The following MYT1L variants were observed in gnomAD, a reference collection of about 807,000 sequenced individuals.
MYT1L encodes the protein myelin transcription factor 1 like.
Under a neutral mutation model 126.7 loss-of-function variants are expected in MYT1L, and 12 were observed. The ratio of observed to expected loss-of-function variants is 0.09; its 90% CI spans 0.06 to 0.15. MYT1L has a LOEUF of 0.15. Ranked by LOEUF, MYT1L falls within the 10% of genes least tolerant of loss-of-function variation. MYT1L has a pLI of 1.00. For missense variants in MYT1L, 979 were observed against 1,585.2 expected (o/e 0.62, Z 6.49); for synonymous variants, 541 against 604.2 (o/e 0.90, Z 1.53).
intron 3 of MYT1L, among the ~76,000 whole-genome samples, chr2:2,115,951 T>C (rs1166313282): frequency 2.0e-5 from 3 of 149,010 alleles, no homozygotes; most frequent in Non-Finnish European, 4.4e-5. Flanking sequence ...GGCTGAGAAG[T>C]AGGATGCACC....
chr2:2,212,356 A>G (rs1165293064), intron 2 of MYT1L, among the ~76,000 whole-genome samples: 1 of 152,328 alleles, frequency 6.6e-6, no homozygotes, highest in South Asian at 2.1e-4. Flanking sequence ...AGGCTCAGAC[A>G]TAATTTGTAA....
intron 18 of MYT1L, among the ~76,000 whole-genome samples, chr2:1,884,654 A>G (rs1409818823): frequency 1.3e-5 from 2 of 152,240 alleles, no homozygotes; most frequent in Non-Finnish European, 2.9e-5. Flanking sequence ...TCAAGTTCAG[A>G]TTTCCCAGAA....
intron 13 of MYT1L, among the ~76,000 whole-genome samples, chr2:1,904,354 A>G (rs1473078542): frequency 1.3e-5 from 2 of 152,084 alleles, no homozygotes; most frequent in Non-Finnish European, 2.9e-5. Context: ...AGAATCAGAT[A>G]CAGACACATT....
chr2:2,032,437 A>G (rs2066429588), intron 4 of MYT1L, among the ~76,000 whole-genome samples: 1 of 83,492 alleles, frequency 1.2e-5, no homozygotes, highest in Non-Finnish European at 2.2e-5. Context: ...AGTGCCTCTC[A>G]TCCTGTGGCC....
chr2:2,147,290 C>A (rs1380369340), intron 3 of MYT1L, among the ~76,000 whole-genome samples: 1 of 152,208 alleles, frequency 6.6e-6, no homozygotes, highest in Non-Finnish European at 1.5e-5. Flanking sequence ...TCAAACAAAA[C>A]CTGGAAGGAC....
chr2:1,969,610 G>A (rs2059654368), intron 8 of MYT1L, among the ~76,000 whole-genome samples: 1 of 152,226 alleles, frequency 6.6e-6, no homozygotes, highest in Admixed American at 6.5e-5. Flanking sequence ...ACTCTGGACG[G>A]GGCTTAAAGG....
Position 2,283,868 on chromosome 2 carries a change from G to A in MYT1L, c.-421+536C>T, listed in dbSNP as rs543491009. 1.9e-4 allele frequency among the ~76,000 whole-genome samples: 29 copies of A among 152,216 alleles called. 1 individual carries two copies. Among genetic ancestry groups the A allele is most frequent in the Admixed American group, 9.8e-4 (15 of 15,284 alleles). On this transcript the variant is annotated intron_variant, in intron 2 of 24. Coordinates refer to ENST00000647738, the MANE Select transcript of MYT1L (RefSeq NM_001303052.2). ...GAAGTCCGTGCACCTCTGGCTACCT[G>A]TCCGACCTCCCTCTGCCTCAGTTTC...
At chr2:2,164,125 A>T (rs1045279440) in intron 3 of MYT1L, among the ~76,000 whole-genome samples, 1 of 152,190 alleles carries the variant, frequency 6.6e-6, no homozygotes, top group African/African-American at 2.4e-5. Flanking sequence ...GAACTTGGCT[A>T]ATTCAGATGA....
chr2:1,938,893 C>T (rs976954147), intron 9 of MYT1L, among the ~76,000 whole-genome samples: 1 of 152,100 alleles, frequency 6.6e-6, no homozygotes, highest in African/African-American at 2.4e-5. Context: ...AACAATAGTC[C>T]TTCTATAACC....
At chr2:2,318,609 A>T (rs2096109583) in intron 1 of MYT1L, among the ~76,000 whole-genome samples, 1 of 152,214 alleles carries the variant, frequency 6.6e-6, no homozygotes, top group Non-Finnish European at 1.5e-5. Context: ...TGTTCTCAGG[A>T]CTGTGAAAAG....
At chr2:2,153,524 C>T (rs766452603) in intron 3 of MYT1L, among the ~76,000 whole-genome samples, 3 of 151,556 alleles carry the variant, frequency 2.0e-5, no homozygotes. Context: ...GGGGCTGATG[C>T]GGGAAGAGGA....
chr2:2,207,640 T>C (rs1223221645), intron 2 of MYT1L, among the ~76,000 whole-genome samples: 1 of 152,186 alleles, frequency 6.6e-6, no homozygotes, highest in Non-Finnish European at 1.5e-5. Context: ...TAACTAACTG[T>C]TGACAATTAT....
intron 4 of MYT1L, among the ~76,000 whole-genome samples, chr2:2,047,495 T>C (rs1354869276): frequency 2.0e-5 from 3 of 152,228 alleles, no homozygotes; most frequent in African/African-American, 7.2e-5. Flanking sequence ...GAATTCTCCT[T>C]CACAAGTGAA....
At chr2:1,935,173 G>A (rs1259890843) in intron 9 of MYT1L, among the ~76,000 whole-genome samples, 2 of 152,122 alleles carry the variant, frequency 1.3e-5, no homozygotes, top group Non-Finnish European at 2.9e-5. Context: ...CTCAGTTTAT[G>A]ACTTCTAATT....
chr2:1,889,267 C>T lies in MYT1L; in HGVS notation c.2494G>A (p.Asp832Asn), dbSNP rs2048531977. 6.2e-7 allele frequency: 1 copy of T among 1,614,002 alleles called. No homozygotes were observed. The highest frequency in any genetic ancestry group is 1.3e-5 in the African/African-American group (1 of 75,054). ...GTAATGTCTTTGGACTCGTCCTCGT[C>T]TATCCTCCGGGGTTTCATTTTGGTG... ...DYTKMKPRRI[D>N]EDESKDITPE... Residue 832 changes from aspartate (D) to asparagine (N), a missense_variant, in exon 16 of 25, where the codon GAC (aspartate) becomes AAC (asparagine). By Grantham distance (23) the Asp-to-Asn change is conservative. Coordinates refer to ENST00000647738, the MANE Select transcript of MYT1L (RefSeq NM_001303052.2). This position sits in a 1 kb window ranked among gnomAD's most constrained non-coding sequence, Gnocchi z 4.1.
intron 14 of MYT1L, among the ~76,000 whole-genome samples, chr2:1,896,802 A>G (rs887916469): frequency 4.6e-5 from 7 of 152,212 alleles, no homozygotes; most frequent in African/African-American, 1.4e-4. Context: ...ATAAAAGTTG[A>G]AACAAAAAAG....
chr2:2,204,109 T>C (rs1287577588), intron 2 of MYT1L, among the ~76,000 whole-genome samples: 1 of 152,202 alleles, frequency 6.6e-6, no homozygotes, highest in Non-Finnish European at 1.5e-5. Context: ...CAAAAATTAA[T>C]TCAAGATGGA....
intron 3 of MYT1L, among the ~76,000 whole-genome samples, chr2:2,132,615 C>A (rs2082528631): frequency 6.6e-6 from 1 of 152,052 alleles, no homozygotes; most frequent in African/African-American, 2.4e-5. Context: ...GAACAAATAT[C>A]CAATGCATGC....
At chr2:2,296,768 T>G (rs2095701034) in intron 1 of MYT1L, among the ~76,000 whole-genome samples, 1 of 151,984 alleles carries the variant, frequency 6.6e-6, no homozygotes, top group Non-Finnish European at 1.5e-5. Context: ...TGGTGGATGG[T>G]CTCGGCCTGG....
Sources: gnomAD v4.1 joint callset for allele counts (sites outside exome capture counted in the v4.1 genomes callset) on GRCh38, gnomAD v4.1.1 for gene constraint, Gnocchi (gnomAD v3.1) non-coding constraint, MANE v1.5 for transcripts, NCBI Gene and HGNC (gene_info 2026-07-23, HGNC 2026-07-21) for gene names.